Variants in ST14 observed in about 807,000 individuals in gnomAD.
ST14 encodes the protein ST14 transmembrane serine protease matriptase, also known as suppressor of tumorigenicity 14 protein.
In ST14, 40 loss-of-function variants were observed where a neutral mutation model predicts 96.5. The observed-to-expected ratio is 0.41, with a 90% confidence interval of 0.32 to 0.54. ST14 has a LOEUF of 0.54. Ranked by LOEUF, ST14 falls within the 20% of genes least tolerant of loss-of-function variation. ST14 has a pLI of 0.17. For synonymous variants in ST14, 506 were observed against 492.1 expected, an observed-to-expected ratio of 1.03 and a Z score of -0.37; for missense variants, 1,066 against 1,188.9, an observed-to-expected ratio of 0.90 and a Z score of 1.52.
At chr11:130,192,687 C>T (rs956652946) in intron 7 of ST14, among the ~76,000 whole-genome samples, 3 of 152,322 alleles carry the variant, frequency 2.0e-5, no homozygotes, top group Non-Finnish European at 1.5e-5. Flanking sequence ...CCACAGCACC[C>T]GGCCAAATTT....
chr11:130,173,805 T>C (rs908337952), intron 1 of ST14, among the ~76,000 whole-genome samples: 1 of 152,026 alleles, frequency 6.6e-6, no homozygotes, highest in African/African-American at 2.4e-5. Context: ...CCCGCTTCTC[T>C]GTAACCCCTC....
chr11:130,190,665 G>A lies in ST14; in HGVS notation c.846G>A (p.Leu282=), dbSNP rs1193483100. ...ACCTGGTGACGGTGTACAACACCCT[G>A]AGCCCCATGGAGCCCCACGCCCTGG... ...GSDLVTVYNT[L]SPMEPHALVQ... is the part of the protein sequence containing the mutation. The change falls in exon 7 of 19, where the codon CTG becomes CTA. Residue 282 remains leucine, a synonymous_variant. Coordinates refer to ENST00000278742, the MANE Select transcript of ST14 (RefSeq NM_021978.4). 9 of 1,595,668 alleles carry A rather than the reference G, an allele frequency of 5.6e-6. No individual in the cohort carries two copies. The highest frequency in any genetic ancestry group is 5.1e-6 in the Non-Finnish European group (6 of 1,172,066).
At chr11:130,173,908 G>T (rs183143556) in intron 1 of ST14, among the ~76,000 whole-genome samples, 75 of 152,360 alleles carry the variant, frequency 4.9e-4, no homozygotes, top group African/African-American at 1.6e-3. Flanking sequence ...ACCAGAGAGT[G>T]CTGGCCAGGT....
At chr11:130,184,358 G>A (rs546215136) in intron 1 of ST14, among the ~76,000 whole-genome samples, 6 of 152,276 alleles carry the variant, frequency 3.9e-5, no homozygotes, top group Admixed American at 2.0e-4. Flanking sequence ...CTGAAGAAAC[G>A]CAAAATACGG....
At chr11:130,194,587 G>A in intron 8 of ST14, 53 bp from the exon 9 acceptor site, 3 of 1,588,222 alleles carry the variant, frequency 1.9e-6, no homozygotes, top group Non-Finnish European at 2.6e-6. Context: ...TCGTCCGCCT[G>A]CTCGGCCGGG....
intron 1 of ST14, among the ~76,000 whole-genome samples, chr11:130,169,120 A>G (rs1953066482): frequency 7.5e-6 from 1 of 132,602 alleles, no homozygotes. Context: ...TTTTTGAGAC[A>G]GAGTCCTGCT....
In ST14 at chr11:130,208,952, C is replaced by A. The variant is rs552381910; in HGVS notation, c.2269+268C>A. 1.2e-4 allele frequency among the ~76,000 whole-genome samples: 18 copies of A among 152,208 alleles called. No homozygotes were observed. The East Asian group carries it at 1.7e-3, about 15-fold the overall frequency. ...TAAGCTCTGATCCTGTTTGTGCATG[C>A]GCGTAATGAAGATAGCAACACCTTA... On this transcript the variant is annotated intron_variant, in intron 17 of 18. Coordinates refer to ENST00000278742, the MANE Select transcript of ST14 (RefSeq NM_021978.4).
chr11:130,197,851 G>A lies in ST14; in HGVS notation c.1365G>A (p.Gly455=). 8 of 1,579,360 alleles carry A rather than the reference G, an allele frequency of 5.1e-6. No individual in the cohort carries two copies. Among genetic ancestry groups the A allele is most frequent in the Non-Finnish European group, 6.0e-6 (7 of 1,166,678 alleles). ...TGCCTGTGCCCGCAGCATGCCCGGG[G>A]CAGTTCACGTGCCGCACGGGGCGGT... ...LSYDSSDPCP[G]QFTCRTGRCI... is the part of the protein sequence containing the mutation. Residue 455 remains glycine, a synonymous_variant, in exon 12 of 19, where the codon GGG becomes GGA. Transcript: ENST00000278742.
At position 130,194,715 on chromosome 11, in the gene ST14, T is replaced by G; in HGVS notation, c.1091T>G (p.Ile364Ser). 3.1e-6 allele frequency: 5 copies of G among 1,614,072 alleles called. No individual in the cohort carries two copies. The highest frequency in any genetic ancestry group is 4.2e-6 in the Non-Finnish European group (5 of 1,179,996). Reference protein sequence around the residue: ...PYYPGHYPPNIDCTWNIEVPN... With the variant: ...PYYPGHYPPNSDCTWNIEVPN... ...TACCCAGGCCACTACCCACCCAACA[T>G]TGACTGCACATGGAACATTGAGGTA... The change falls in exon 9 of 19, where the codon ATT becomes AGT. Residue 364 changes from isoleucine to serine, a missense_variant. By Grantham distance (142) the Ile-to-Ser change is moderately radical. Transcript: ENST00000278742.
intron 1 of ST14, among the ~76,000 whole-genome samples, chr11:130,169,409 T>A (rs1222025264): frequency 6.6e-6 from 1 of 152,136 alleles, no homozygotes; most frequent in Non-Finnish European, 1.5e-5. Context: ...TAACATAATT[T>A]TTGAAATGAC....
At chr11:130,200,398 A>C (rs547517020) in intron 16 of ST14, among the ~76,000 whole-genome samples, 1 of 152,290 alleles carries the variant, frequency 6.6e-6, no homozygotes, top group African/African-American at 2.4e-5. Flanking sequence ...GCTTCCATCC[A>C]TGGCAGAAGG....
At chr11:130,199,925 C>G in intron 15 of ST14, 26 bp from the exon 16 acceptor site, 2 of 1,613,876 alleles carry the variant, frequency 1.2e-6, no homozygotes, top group Non-Finnish European at 1.7e-6. Flanking sequence ...GACTTGCTGT[C>G]CTCTGGTTCT....
chr11:130,194,845 T>C, intron 9 of ST14, 108 bp downstream of exon 9: 1 of 881,568 alleles, frequency 1.1e-6, no homozygotes, highest in Non-Finnish European at 1.7e-6. Flanking sequence ...TGTTTGCATA[T>C]GTGTGCATGT....
At position 130,208,588 on chromosome 11, in the gene ST14, T is replaced by C. The variant is rs1953513002; in HGVS notation, c.2173T>C (p.Ser725Pro). The C allele has an allele frequency of 4.3e-6, 7 of 1,614,014 alleles. No homozygotes were observed. Among genetic ancestry groups the C allele is most frequent in the Non-Finnish European group, 5.9e-6 (7 of 1,180,028 alleles). ...LELEKPAEYS[S>P]MVRPICLPDA... ...GCTGGAGAAACCGGCAGAGTACAGC[T>C]CCATGGTGCGGCCCATCTGCCTGCC... The change falls in exon 17 of 19, where the codon TCC (serine) becomes CCC (proline). Residue 725 changes from serine (S) to proline (P), a missense_variant. Physicochemically the swap from Ser to Pro is moderately conservative, Grantham distance 74. Transcript: ENST00000278742.
intron 9 of ST14, 30 bp downstream of exon 9, chr11:130,194,767 T>A: frequency 6.2e-7 from 1 of 1,605,912 alleles, no homozygotes; most frequent in Non-Finnish European, 8.5e-7. Context: ...TGAACGTGTG[T>A]GTGTGTGAGC....
At chr11:130,190,182 G>A in intron 6 of ST14, 34 bp downstream of exon 6, 4 of 1,614,028 alleles carry the variant, frequency 2.5e-6, no homozygotes, top group Non-Finnish European at 3.4e-6. Context: ...TTCTGGGTGG[G>A]GAAGAGGCGG....
In ST14 at chr11:130,181,928, A is replaced by G. The variant is rs780799491; in HGVS notation, c.82-6186A>G. ...GAGGACCCACCATTGAGCTAGCGCC[A>G]CTGCTGACAGCCTCGCTCCGTGGCA... On this transcript the variant is annotated intron_variant, in intron 1 of 18. Coordinates refer to ENST00000278742, the MANE Select transcript of ST14 (RefSeq NM_021978.4). This position sits in a 1 kb window ranked among gnomAD's most constrained non-coding sequence, Gnocchi z 4.1. 6.6e-6 allele frequency among the ~76,000 whole-genome samples: 1 copy of G among 152,238 alleles called. No homozygotes were observed. The highest frequency in any genetic ancestry group is 1.5e-5 in the Non-Finnish European group (1 of 68,040).
intron 1 of ST14, among the ~76,000 whole-genome samples, chr11:130,172,357 C>T (rs1163684822): frequency 1.3e-5 from 2 of 151,308 alleles, no homozygotes; most frequent in Non-Finnish European, 2.9e-5. Flanking sequence ...CCTCCCACCT[C>T]AGCCTGCCAA....
intron 1 of ST14, among the ~76,000 whole-genome samples, chr11:130,178,768 T>C (rs1953164291): frequency 6.6e-6 from 1 of 152,156 alleles, no homozygotes; most frequent in African/African-American, 2.4e-5. Flanking sequence ...CCACCTGTTT[T>C]CCAGCAGCTC....
Sources: gnomAD v4.1 joint callset for allele counts (sites outside exome capture counted in the v4.1 genomes callset) on GRCh38, gnomAD v4.1.1 for gene constraint, Gnocchi (gnomAD v3.1) non-coding constraint, MANE v1.5 for transcripts, NCBI Gene and HGNC (gene_info 2026-07-23, HGNC 2026-07-21) for gene names.